The following THNSL1 variants were observed in gnomAD, a reference collection of about 807,000 sequenced individuals.
THNSL1 encodes threonine synthase like 1, also known as threonine synthase-like 1.
In THNSL1, 48 loss-of-function variants were observed where a neutral mutation model predicts 50.4. The observed-to-expected ratio is 0.95, with a 90% CI of 0.76 to 1.21. The LOEUF is 1.21. Among genes scored for constraint, THNSL1 ranks in the 50% most tolerant of loss-of-function variants. THNSL1 has a pLI of 0.00. For synonymous variants in THNSL1, 309 were observed against 306.1 expected (o/e 1.01, Z -0.10); for missense variants, 896 against 871.7 (o/e 1.03, Z -0.35).
Position 25,023,432 on chromosome 10 carries a change from C to T in THNSL1, c.209C>T (p.Thr70Ile), listed in dbSNP as rs751754032. The T allele has an allele frequency of 6.2e-7, 1 of 1,614,060 alleles. No individual in the cohort carries two copies. Reference protein sequence around the residue: ...LMGPPGAGKTTVGRIIGQKLG... With the variant: ...LMGPPGAGKTIVGRIIGQKLG... The stretch of plus-strand genomic sequence containing the variant: ...GGACCTCCTGGTGCTGGGAAAACAA[C>T]AGTAGGCAGAATAATAGGTCAGAAA... The change falls in exon 3 of 3, where the codon ACA (threonine) becomes ATA (isoleucine). Residue 70 changes from threonine (T) to isoleucine (I), a missense_variant. Physicochemically the swap from Thr to Ile is moderately conservative, Grantham distance 89. Coordinates refer to ENST00000376356, the MANE Select transcript of THNSL1 (RefSeq NM_024838.5).
chr10:24,957,515 C>T, the THNSL1 span, among the ~76,000 whole-genome samples: 1 of 152,082 alleles, frequency 6.6e-6, no homozygotes, highest in African/African-American at 2.4e-5. Context: ...GAGTCTTGCT[C>T]TGTTGCCCAG....
At chr10:25,011,296 G>A in the THNSL1 span, among the ~76,000 whole-genome samples, 314 of 152,042 alleles carry the variant, frequency 2.1e-3, no homozygotes, top group Non-Finnish European at 3.6e-3. Context: ...GGGGTTGTTT[G>A]TTTTTTTCTT....
At chr10:24,960,238 G>A in the THNSL1 span, among the ~76,000 whole-genome samples, 1 of 151,970 alleles carries the variant, frequency 6.6e-6, no homozygotes, top group Non-Finnish European at 1.5e-5. Flanking sequence ...ATATCCCAGC[G>A]AACCAAGAAG....
the THNSL1 span, among the ~76,000 whole-genome samples, chr10:24,959,607 AG>A: frequency 5.9e-5 from 9 of 152,228 alleles, no homozygotes; most frequent in Non-Finnish European, 1.0e-4. Context: ...AGGAGTCTTT[AG>A]TACGCCAATA....
At chr10:25,016,894 C>G (rs544894833) in intron 1 of THNSL1, 3 of 152,832 alleles carry the variant, frequency 2.0e-5, no homozygotes, top group Admixed American at 6.5e-5. Flanking sequence ...CGCTGGTCAT[C>G]TCAACTCTGC....
chr10:24,983,020 C>G, the THNSL1 span: 41 of 152,290 alleles, frequency 2.7e-4, no homozygotes, highest in Admixed American at 2.5e-3. Context: ...GTATAGCAAT[C>G]ATTTCACAAA....
chr10:24,972,073 T>C, the THNSL1 span, among the ~76,000 whole-genome samples: 118 of 150,474 alleles, frequency 7.8e-4, 1 homozygote, highest in East Asian at 0.015. Context: ...GCACCTGTAA[T>C]CCCAGCTACT....
the THNSL1 span, among the ~76,000 whole-genome samples, chr10:25,007,170 CT>C: frequency 1.3e-5 from 2 of 152,262 alleles, no homozygotes; most frequent in Non-Finnish European, 2.9e-5. Context: ...TTTCCCTGAT[CT>C]GTAAAAATGA....
the THNSL1 span, among the ~76,000 whole-genome samples, chr10:24,972,148 C>T: frequency 4.7e-5 from 7 of 150,024 alleles, no homozygotes; most frequent in Admixed American, 2.7e-4. Flanking sequence ...GCCAAGATGG[C>T]GCCATTGCAC....
At chr10:24,976,171 A>G in the THNSL1 span, among the ~76,000 whole-genome samples, 3 of 152,318 alleles carry the variant, frequency 2.0e-5, no homozygotes, top group East Asian at 5.8e-4. Flanking sequence ...CATATGGAAG[A>G]GAAGGACTCA....
the THNSL1 span, among the ~76,000 whole-genome samples, chr10:25,003,814 C>G: frequency 6.6e-6 from 1 of 152,118 alleles, no homozygotes; most frequent in African/African-American, 2.4e-5. Context: ...TTTCCTGATC[C>G]TCTCCCTCCT....
chr10:24,974,544 G>A, the THNSL1 span, among the ~76,000 whole-genome samples: 43 of 152,240 alleles, frequency 2.8e-4, no homozygotes, highest in African/African-American at 1.0e-3. Flanking sequence ...AAGACTAAAT[G>A]ACAATATAAC....
At chr10:25,020,238 A>ATATATCTATCTATATCTATATC (rs1554772124) in intron 1 of THNSL1, among the ~76,000 whole-genome samples, 9 of 126,564 alleles carry the variant, frequency 7.1e-5, no homozygotes, top group African/African-American at 2.4e-4. Flanking sequence ...TTTCTTTAAA[A>ATATATCTATCTATATCTATATC]TATATCTATA....
In THNSL1 at chr10:25,019,581, A is replaced by G. The variant is rs115653601; in HGVS notation, c.-215-2161A>G. Among the ~76,000 whole-genome samples the G allele has an allele frequency of 3.7e-3, 559 of 152,360 alleles. 7 individuals carry two copies. Among genetic ancestry groups the G allele is most frequent in the African/African-American group, 0.013 (536 of 41,576 alleles). ...TAGCATTTGCATTGTATTATGTATT[A>G]TAAGTTATTCAGAGATTAAGGTATA... On this transcript the variant is annotated intron_variant, in intron 1 of 2. Transcript: ENST00000376356.
the THNSL1 span, among the ~76,000 whole-genome samples, chr10:24,970,244 C>A: frequency 6.6e-6 from 1 of 152,004 alleles, no homozygotes; most frequent in Non-Finnish European, 1.5e-5. Flanking sequence ...ATTTTTTTTC[C>A]CCATTAAATG....
At chr10:24,988,783 G>A in the THNSL1 span, among the ~76,000 whole-genome samples, 3 of 128,538 alleles carry the variant, frequency 2.3e-5, no homozygotes, top group African/African-American at 8.9e-5. Flanking sequence ...TCCTGTCCAG[G>A]TATAATGAGA....
chr10:24,996,715 C>T, the THNSL1 span, among the ~76,000 whole-genome samples: 3 of 152,128 alleles, frequency 2.0e-5, no homozygotes, highest in East Asian at 3.8e-4. Flanking sequence ...CATCATTTGA[C>T]CTTTTTTATT....
the THNSL1 span, among the ~76,000 whole-genome samples, chr10:24,978,434 C>CCTCT: frequency 1.0e-4 from 15 of 147,592 alleles, no homozygotes; most frequent in Admixed American, 6.8e-5. Context: ...TCTCTCCTGT[C>CCTCT]CTCTCTCTCT....
intron 1 of THNSL1, among the ~76,000 whole-genome samples, chr10:25,017,110 G>A (rs1054996947): frequency 5.3e-5 from 8 of 152,204 alleles, no homozygotes; most frequent in African/African-American, 1.4e-4. Flanking sequence ...TCTTCCTCTA[G>A]GTCGTTCTCC....
Sources: gnomAD v4.1 joint callset for allele counts (sites outside exome capture counted in the v4.1 genomes callset) on GRCh38, gnomAD v4.1.1 for gene constraint, MANE v1.5 for transcripts, NCBI Gene and HGNC (gene_info 2026-07-23, HGNC 2026-07-21) for gene names.